The following CCDC9B variants were observed in gnomAD, a reference collection of about 807,000 sequenced individuals.
The protein encoded by CCDC9B is coiled-coil domain-containing protein 9B.
Under a neutral mutation model 47.2 loss-of-function variants are expected in CCDC9B, and 40 were observed. The ratio of observed to expected loss-of-function variants is 0.85; its 90% CI spans 0.66 to 1.10. CCDC9B has a LOEUF of 1.10. Ranked by LOEUF, CCDC9B falls within the 50% of genes least tolerant of loss-of-function variation. The probability of loss-of-function intolerance (pLI) is 0.00; values close to 1 mark genes in which losing one functional copy is unlikely to be tolerated. For missense variants in CCDC9B, 662 were observed against 651.0 expected, an observed-to-expected ratio of 1.02 and a Z score of -0.18; for synonymous variants, 238 against 250.7, an observed-to-expected ratio of 0.95 and a Z score of 0.48.
Position 40,336,668 on chromosome 15 carries a change from C to T in CCDC9B, c.797-4G>A, listed in dbSNP as rs777149549. 1 of 1,611,482 alleles carries T rather than the reference C, an allele frequency of 6.2e-7. No individual in the cohort carries two copies. The highest frequency in any genetic ancestry group is 1.7e-5 in the Admixed American group (1 of 59,920). On this transcript the variant is annotated splice_polypyrimidine_tract_variant and splice_region_variant and intron_variant, in intron 8 of 10. Transcript: ENST00000397536. ...CTGCTGGCTTGCCCGCCCCGACCTG[C>T]AAGAGATGGTCGGCCAAGGAGAGAA...
rs1371042074 is a variant in CCDC9B, at chr15:40,334,539, C to G, written c.*619G>C. 1.3e-5 allele frequency: 2 copies of G among 152,252 alleles called. No individual in the cohort carries two copies. Among genetic ancestry groups the G allele is most frequent in the Non-Finnish European group, 2.9e-5 (2 of 68,060 alleles). 9.4% of individuals were successfully genotyped at this position (152,252 alleles called of 1,614,324 possible). ...AACCCATTTCAGAGAGGAGGACTTT[C>G]CAGAGATCCTCCTTTTCACCAAGAA... is the stretch of plus-strand genomic sequence containing the variant. On this transcript the variant is annotated 3_prime_UTR_variant, in exon 11 of 11. Coordinates refer to ENST00000397536, the MANE Select transcript of CCDC9B (RefSeq NM_207380.3).
At chr15:40,336,047 G>C (rs1428986100) in intron 9 of CCDC9B, 22 of 985,224 alleles carry the variant, frequency 2.2e-5, no homozygotes, top group Admixed American at 1.2e-4. Flanking sequence ...GCCATGGCAG[G>C]ACCAGAGAGG....
intron 1 of CCDC9B, 92 bp from the exon 2 acceptor site, chr15:40,340,107 C>A: frequency 1.3e-6 from 1 of 742,408 alleles, no homozygotes; most frequent in South Asian, 1.7e-5. Context: ...GGAAGAGATC[C>A]CAGACCCACA....
chr15:40,333,668 A>G lies in CCDC9B; in HGVS notation c.*1490T>C, dbSNP rs1888900210. 1 of 212,616 alleles carries G rather than the reference A, an allele frequency of 4.7e-6. No homozygotes were observed. Among genetic ancestry groups the G allele is most frequent in the African/African-American group, 2.4e-5 (1 of 42,390 alleles). 13.2% of individuals were successfully genotyped at this position (212,616 alleles called of 1,614,324 possible). ...AAGTATGAGAGACACTTCTCAAAAC[A>G]GTCTGGTCTGCTAAAGAGATGCCCC... On this transcript the variant is annotated 3_prime_UTR_variant, in exon 11 of 11. Coordinates refer to ENST00000397536, the MANE Select transcript of CCDC9B (RefSeq NM_207380.3).
chr15:40,339,354 G>T, intron 3 of CCDC9B, 158 bp downstream of exon 3: 1 of 696,660 alleles, frequency 1.4e-6, no homozygotes, highest in Non-Finnish European at 2.4e-6. Context: ...TGGCTCTTTG[G>T]TGGGGACAGC....
rs772016566 is a variant in CCDC9B, at chr15:40,335,174, G to T, written c.1457C>A (p.Pro486Gln). Residue 486 changes from proline to glutamine, a missense_variant, in exon 11 of 11, where the codon CCG becomes CAG. Pro to Gln is a moderately conservative substitution (Grantham distance 76, BLOSUM62 -1). Coordinates refer to ENST00000397536, the MANE Select transcript of CCDC9B (RefSeq NM_207380.3). ...GVRRRTGRPG[P>Q]AGRC ...GAGCTGTGTTCAGCATCTTCCTGCC[G>T]GGCCAGGGCGCCCTGTCCTGCGCCT... 3 of 1,507,794 alleles carry T rather than the reference G, an allele frequency of 2.0e-6. No homozygotes were observed. Among genetic ancestry groups the T allele is most frequent in the African/African-American group, 2.8e-5 (2 of 71,658 alleles). 93.4% of individuals were successfully genotyped at this position (1,507,794 alleles called of 1,614,324 possible).
chr15:40,335,954 A>G, intron 9 of CCDC9B, 128 bp from the exon 10 acceptor site: 2 of 1,518,604 alleles, frequency 1.3e-6, no homozygotes, highest in Non-Finnish European at 1.8e-6. Context: ...CCCATGGTTT[A>G]GGCCTCACAC....
intron 6 of CCDC9B, 76 bp downstream of exon 6, chr15:40,337,648 C>T: frequency 6.8e-7 from 1 of 1,467,230 alleles, no homozygotes; most frequent in East Asian, 2.3e-5. Flanking sequence ...GAGGAGGGTC[C>T]CTGCAGCCCT....
intron 1 of CCDC9B, chr15:40,340,600 C>G: frequency 1.7e-6 from 1 of 582,172 alleles, no homozygotes; most frequent in Non-Finnish European, 3.0e-6. Context: ...CGGCCCCAGC[C>G]CAGGAGTCAC....
At chr15:40,335,881 C>A in intron 9 of CCDC9B, 55 bp from the exon 10 acceptor site, 3 of 1,579,384 alleles carry the variant, frequency 1.9e-6, no homozygotes, top group Non-Finnish European at 2.6e-6. Flanking sequence ...AGAGCCATGT[C>A]CCCCTGCCTG....
chr15:40,335,776 G>T lies in CCDC9B; in HGVS notation c.930+8C>A. ...CCAGCCTGCCCCATCCTATACCCAA[G>T]TACCTACCTCCTGACCTTCCAGCTC... On this transcript the variant is annotated splice_region_variant and intron_variant, in intron 10 of 10. Transcript: ENST00000397536. 6.2e-7 allele frequency: 1 copy of T among 1,610,534 alleles called. No homozygotes were observed. The highest frequency in any genetic ancestry group is 8.5e-7 in the Non-Finnish European group (1 of 1,178,410).
rs553972465 is a variant in CCDC9B, at chr15:40,334,482, T to G, written c.*676A>C. 8 of 152,352 alleles carry G rather than the reference T, an allele frequency of 5.3e-5. No individual in the cohort carries two copies. The highest frequency in any genetic ancestry group is 1.9e-4 in the African/African-American group (8 of 41,554). The allele number at this position is 152,352 out of a possible 1,614,324, so 9.4% of individuals were successfully genotyped here. ...CTGGGAGTAAGCTCTCCCATCCTGC[T>G]GTGGGAAGAGGAGGTTGTCGCTCCC... On this transcript the variant is annotated 3_prime_UTR_variant, in exon 11 of 11. Transcript: ENST00000397536.
In CCDC9B at chr15:40,335,133, A is replaced by G; in HGVS notation, c.*25T>C. 1 of 1,477,046 alleles carries G rather than the reference A, an allele frequency of 6.8e-7. No homozygotes were observed. Among genetic ancestry groups the G allele is most frequent in the Non-Finnish European group, 9.0e-7 (1 of 1,113,832 alleles). The allele number at this position is 1,477,046 out of a possible 1,614,324, so 91.5% of individuals were successfully genotyped here. A position where few individuals can be genotyped will look rare whatever the true frequency, so the allele number is the denominator to read the frequency against. On this transcript the variant is annotated 3_prime_UTR_variant, in exon 11 of 11. Transcript: ENST00000397536. ...TGATTCCCTTTTCCTCTCCCCGGGGACTCCCCAGCTCCCAGGAGCTGTGTT... is the reference window on the plus strand; with the variant it reads ...TGATTCCCTTTTCCTCTCCCCGGGGGCTCCCCAGCTCCCAGGAGCTGTGTT...
Position 40,335,009 on chromosome 15 carries a change from A to T in CCDC9B, c.*149T>A. The T allele has an allele frequency of 1.5e-6, 1 of 685,070 alleles. No individual in the cohort carries two copies. The highest frequency in any genetic ancestry group is 2.3e-6 in the Non-Finnish European group (1 of 426,862). 42.4% of individuals were successfully genotyped at this position (685,070 alleles called of 1,614,324 possible). Reference sequence around the variant, plus strand: ...TGCAGGGAGGCCACTCCTTGCCCTCACAAGGTCGCCATGCTGGAGAGTTTG... The same window carrying T: ...TGCAGGGAGGCCACTCCTTGCCCTCTCAAGGTCGCCATGCTGGAGAGTTTG... On this transcript the variant is annotated 3_prime_UTR_variant, in exon 11 of 11. Coordinates refer to ENST00000397536, the MANE Select transcript of CCDC9B (RefSeq NM_207380.3).
chr15:40,338,228 C>T (rs1595713857), intron 5 of CCDC9B: 4 of 683,372 alleles, frequency 5.9e-6, no homozygotes, highest in Non-Finnish European at 1.1e-5. Context: ...GCTGCTGCCA[C>T]CTAGAGGTCA....
chr15:40,336,598 T>G lies in CCDC9B; in HGVS notation c.863A>C (p.Glu288Ala). 6.2e-7 allele frequency: 1 copy of G among 1,612,648 alleles called. No homozygotes were observed. Among genetic ancestry groups the G allele is most frequent in the Non-Finnish European group, 8.5e-7 (1 of 1,179,750 alleles). Reference sequence around the variant, plus strand: ...CCTTCGGGCCCTGCCAGTCAGCCTCTCCTTGCCCCGGGCTTTGCTGCCTGT... The same window carrying G: ...CCTTCGGGCCCTGCCAGTCAGCCTCGCCTTGCCCCGGGCTTTGCTGCCTGT... Reference protein sequence around the residue: ...PATGSKARGKERLTGRARRWD... With the variant: ...PATGSKARGKARLTGRARRWD... The change falls in exon 9 of 11, where the codon GAG becomes GCG. Residue 288 changes from glutamate to alanine, a missense_variant. Coordinates refer to ENST00000397536, the MANE Select transcript of CCDC9B (RefSeq NM_207380.3).
intron 9 of CCDC9B, 131 bp from the exon 10 acceptor site, chr15:40,335,957 C>T: frequency 1.3e-6 from 2 of 1,513,588 alleles, no homozygotes; most frequent in Non-Finnish European, 1.8e-6. Context: ...ATGGTTTAGG[C>T]CTCACACTGA....
rs1223555554 is a variant in CCDC9B at position 40,337,840 on chromosome 15, C to G, written c.567G>C (p.Trp189Cys). The G allele has an allele frequency of 1.2e-6, 2 of 1,609,456 alleles. No homozygotes were observed. The highest frequency in any genetic ancestry group is 2.2e-5 in the South Asian group (2 of 90,692). Residue 189 changes from tryptophan to cysteine, a missense_variant, in exon 6 of 11, where the codon TGG (tryptophan) becomes TGC (cysteine). Trp to Cys is a radical substitution (Grantham distance 215, BLOSUM62 -2). Transcript: ENST00000397536. ...RPVGEPPEAG[W>C]DYAQWKQERE... ...GCTCCTGCTTCCACTGGGCATAGTC[C>G]CAGCCCGCCTCCGGGGGCTCCCCCA...
At chr15:40,338,255 A>C (rs1889010133) in intron 5 of CCDC9B, 1 of 649,476 alleles carries the variant, frequency 1.5e-6, no homozygotes, top group South Asian at 1.8e-5. Flanking sequence ...GCACTTGGCC[A>C]GTCAACTCCA....
Sources: gnomAD v4.1 joint callset for allele counts on GRCh38, gnomAD v4.1.1 for gene constraint, MANE v1.5 for transcripts, NCBI Gene and HGNC (gene_info 2026-07-23, HGNC 2026-07-21) for gene names.